The following CTNNA2 variants were observed in gnomAD, a reference collection of about 807,000 sequenced individuals.
CTNNA2 encodes the protein catenin alpha-2.
In CTNNA2, 42 loss-of-function variants were observed where a neutral mutation model predicts 101.0. The ratio of observed to expected loss-of-function variants is 0.42; its 90% CI spans 0.32 to 0.54. CTNNA2 has a LOEUF of 0.54. Among genes scored for constraint, CTNNA2 ranks in the 20% least tolerant of loss-of-function variants. The pLI is 0.14. For missense variants in CTNNA2, 871 were observed against 1,223.1 expected, an observed-to-expected ratio of 0.71 and a Z score of 4.29; for synonymous variants, 450 against 456.4, an observed-to-expected ratio of 0.99 and a Z score of 0.18.
intron 4 of CTNNA2, among the ~76,000 whole-genome samples, chr2:79,463,011 T>C (rs1573177337): frequency 1.3e-5 from 2 of 152,220 alleles, no homozygotes; most frequent in East Asian, 3.9e-4. Flanking sequence ...AGACTATCAA[T>C]GCTTACCAGC....
chr2:79,586,948 C>G (rs1676533907), intron 1 of CTNNA2, among the ~76,000 whole-genome samples: 1 of 152,112 alleles, frequency 6.6e-6, no homozygotes, highest in African/African-American at 2.4e-5. Context: ...AGTTACTTCA[C>G]TTAAAATAAT....
At chr2:79,569,550 C>T (rs1675333611) in intron 1 of CTNNA2, among the ~76,000 whole-genome samples, 1 of 152,146 alleles carries the variant, frequency 6.6e-6, no homozygotes, top group African/African-American at 2.4e-5. Context: ...TTACCTTCTA[C>T]TTAATTTTTG....
At chr2:79,368,718 T>G (rs763961881) in intron 3 of CTNNA2, among the ~76,000 whole-genome samples, 4 of 152,100 alleles carry the variant, frequency 2.6e-5, no homozygotes. Flanking sequence ...CACCCTTCCC[T>G]TTACCCTGAA....
chr2:80,270,005 A>G (rs952303678), intron 7 of CTNNA2, among the ~76,000 whole-genome samples: 5 of 152,226 alleles, frequency 3.3e-5, no homozygotes, highest in Admixed American at 6.5e-5. Flanking sequence ...ACAAGAGGCT[A>G]TAATCAGCGC....
chr2:79,651,488 A>G, intron 1 of CTNNA2, 64 bp from the exon 2 acceptor site: 1 of 1,473,176 alleles, frequency 6.8e-7, no homozygotes, highest in Non-Finnish European at 9.5e-7. Context: ...CCCATTTTGA[A>G]TCACCAAAGT....
chr2:80,255,153 A>T (rs562256570), intron 7 of CTNNA2, among the ~76,000 whole-genome samples: 1 of 152,160 alleles, frequency 6.6e-6, no homozygotes, highest in African/African-American at 2.4e-5. Context: ...TGTTTGAGCA[A>T]ATTGATTTCC....
intron 1 of CTNNA2, among the ~76,000 whole-genome samples, chr2:79,597,750 T>C (rs1249061938): frequency 6.6e-6 from 1 of 152,180 alleles, no homozygotes; most frequent in East Asian, 1.9e-4. Flanking sequence ...TATAGTGGTA[T>C]ATTTGTTACA....
intron 7 of CTNNA2, among the ~76,000 whole-genome samples, chr2:80,311,876 G>T (rs979836626): frequency 6.6e-5 from 10 of 152,130 alleles, no homozygotes; most frequent in Non-Finnish European, 1.2e-4. Flanking sequence ...AGTTTATATT[G>T]CATTTGACTT....
At chr2:79,597,739 C>G (rs1390533532) in intron 1 of CTNNA2, among the ~76,000 whole-genome samples, 1 of 152,154 alleles carries the variant, frequency 6.6e-6, no homozygotes, top group Non-Finnish European at 1.5e-5. Context: ...AGACCCAGTA[C>G]TATAGTGGTA....
At chr2:79,967,941 G>A (rs1690192515) in intron 7 of CTNNA2, among the ~76,000 whole-genome samples, 1 of 152,078 alleles carries the variant, frequency 6.6e-6, no homozygotes, top group African/African-American at 2.4e-5. Context: ...CTATATAAAA[G>A]AAGCCAAAGC....
intron 2 of CTNNA2, among the ~76,000 whole-genome samples, chr2:79,665,875 A>T (rs1019136336): frequency 1.6e-4 from 25 of 152,302 alleles, no homozygotes; most frequent in Middle Eastern, 3.4e-3. Flanking sequence ...CTTGAATATG[A>T]TGTTATTACC....
intron 2 of CTNNA2, among the ~76,000 whole-genome samples, chr2:79,268,939 T>C (rs1048383518): frequency 2.0e-5 from 3 of 152,052 alleles, no homozygotes; most frequent in Non-Finnish European, 4.4e-5. Context: ...TGGAAATAAG[T>C]GTTTGACACA....
intron 7 of CTNNA2, among the ~76,000 whole-genome samples, chr2:80,047,788 T>C (rs190951145): frequency 6.6e-6 from 1 of 152,180 alleles, no homozygotes; most frequent in Admixed American, 6.5e-5. Context: ...TAAGAGAGCT[T>C]GAAAAGTGGT....
At chr2:79,964,528 T>G (rs963203991) in intron 7 of CTNNA2, among the ~76,000 whole-genome samples, 5 of 152,336 alleles carry the variant, frequency 3.3e-5, no homozygotes, top group Middle Eastern at 3.4e-3. Context: ...TAAAAGTTTG[T>G]TTTTGTTCCA....
At chr2:79,255,569 G>A (rs974276751) in intron 2 of CTNNA2, among the ~76,000 whole-genome samples, 7 of 152,156 alleles carry the variant, frequency 4.6e-5, no homozygotes, top group Admixed American at 3.9e-4. Flanking sequence ...ATCGTAGCTG[G>A]AGAGGTGGTC....
At chr2:80,597,280 C>T (rs746999899) in intron 15 of CTNNA2, among the ~76,000 whole-genome samples, 2 of 152,224 alleles carry the variant, frequency 1.3e-5, no homozygotes, top group Non-Finnish European at 2.9e-5. Context: ...AAACTGGACC[C>T]CTTCCTTACA....
At chr2:80,361,702 G>C (rs1464252047) in intron 7 of CTNNA2, among the ~76,000 whole-genome samples, 7 of 152,116 alleles carry the variant, frequency 4.6e-5, no homozygotes, top group Non-Finnish European at 7.4e-5. Flanking sequence ...GGCCAGGCCT[G>C]AACTCCATCT....
chr2:79,309,457 T>C (rs1676318046), intron 2 of CTNNA2, among the ~76,000 whole-genome samples: 1 of 152,140 alleles, frequency 6.6e-6, no homozygotes, highest in Non-Finnish European at 1.5e-5. Context: ...GAGTATGGCT[T>C]TATAGACAGA....
chr2:79,639,038 A>C (rs2104407102), intron 1 of CTNNA2, among the ~76,000 whole-genome samples: 1 of 152,266 alleles, frequency 6.6e-6, no homozygotes, highest in South Asian at 2.1e-4. Context: ...TGTTGCACAA[A>C]CTACTTAATA....
Sources: allele counts gnomAD v4.1 joint callset (sites outside exome capture counted in the v4.1 genomes callset), GRCh38; gene constraint gnomAD v4.1.1; transcripts MANE v1.5; gene names NCBI Gene and HGNC (gene_info 2026-07-23, HGNC 2026-07-21).